Variants in CDK19 observed in about 807,000 individuals in gnomAD.
The protein encoded by CDK19 is cyclin dependent kinase 19.
A neutral mutation model predicts 68.3 loss-of-function variants in CDK19; 20 were observed. That is an observed-to-expected ratio of 0.29 (90% CI 0.21 to 0.43). The LOEUF is 0.43. CDK19 is among the 20% of genes least tolerant of loss of function. The pLI, the probability that CDK19 is intolerant of heterozygous loss-of-function variation, is 1.00. For missense variants in CDK19, 339 were observed against 623.5 expected (o/e 0.54, Z 4.86); for synonymous variants, 221 against 222.8 (o/e 0.99, Z 0.07).
chr6:110,664,658 T>C (rs1219613521), intron 4 of CDK19, among the ~76,000 whole-genome samples: 1 of 152,122 alleles, frequency 6.6e-6, no homozygotes, highest in Non-Finnish European at 1.5e-5. Flanking sequence ...GGCAGTAGTG[T>C]ACAAAAAGAG....
At chr6:110,690,388 G>A (rs1466084590) in intron 2 of CDK19, among the ~76,000 whole-genome samples, 1 of 152,136 alleles carries the variant, frequency 6.6e-6, no homozygotes, top group Non-Finnish European at 1.5e-5. Context: ...GACCTGGCAG[G>A]GGAGCTGAGA....
intron 1 of CDK19, among the ~76,000 whole-genome samples, chr6:110,775,002 C>G (rs146226283): frequency 1.3e-5 from 2 of 151,982 alleles, no homozygotes. Flanking sequence ...AATCCCAGCA[C>G]TTTGGGAGGC....
At chr6:110,762,524 C>T (rs559624797) in intron 1 of CDK19, among the ~76,000 whole-genome samples, 3 of 152,090 alleles carry the variant, frequency 2.0e-5, no homozygotes, top group Non-Finnish European at 2.9e-5. Context: ...AGTCACACAG[C>T]GAATAGGTTA....
At chr6:110,808,549 A>G (rs1451371628) in intron 1 of CDK19, among the ~76,000 whole-genome samples, 1 of 152,222 alleles carries the variant, frequency 6.6e-6, no homozygotes, top group African/African-American at 2.4e-5. Context: ...TGCCAGAAAA[A>G]GTTTGCTGAT....
At chr6:110,765,335 C>T (rs945214788) in intron 1 of CDK19, among the ~76,000 whole-genome samples, 4 of 152,104 alleles carry the variant, frequency 2.6e-5, no homozygotes, top group Non-Finnish European at 5.9e-5. Flanking sequence ...GCTATGATCA[C>T]ACCACTGCAC....
intron 2 of CDK19, among the ~76,000 whole-genome samples, chr6:110,729,293 A>C (rs961456270): frequency 2.0e-5 from 3 of 152,234 alleles, no homozygotes; most frequent in Non-Finnish European, 1.5e-5. Context: ...GATTATTTAA[A>C]ATGTCTACCT....
chr6:110,722,943 C>T (rs1776016841), intron 2 of CDK19, among the ~76,000 whole-genome samples: 1 of 151,950 alleles, frequency 6.6e-6, no homozygotes. Context: ...ACAGTGGCAA[C>T]TATTTAACTA....
At chr6:110,811,180 T>C (rs779209752) in intron 1 of CDK19, among the ~76,000 whole-genome samples, 4 of 152,228 alleles carry the variant, frequency 2.6e-5, no homozygotes, top group Non-Finnish European at 2.9e-5. Flanking sequence ...AAATCTTTAA[T>C]CTTCTGTAAG....
chr6:110,716,833 C>T (rs1191675278), intron 2 of CDK19, among the ~76,000 whole-genome samples: 2 of 152,118 alleles, frequency 1.3e-5, no homozygotes, highest in Admixed American at 6.6e-5. Context: ...GTGATTGACA[C>T]TTTTAATAAA....
chr6:110,707,748 A>G (rs113157987), intron 2 of CDK19, among the ~76,000 whole-genome samples: 7,215 of 152,110 alleles, frequency 0.047, 177 homozygotes, highest in Middle Eastern at 0.078. Context: ...AGGCAGGTGA[A>G]ATCACCTGAG....
chr6:110,639,670 C>T (rs959126972), intron 4 of CDK19, among the ~76,000 whole-genome samples: 6 of 152,092 alleles, frequency 3.9e-5, no homozygotes, highest in African/African-American at 1.4e-4. Flanking sequence ...TTTAAAGATC[C>T]CTTTCAATTT....
chr6:110,622,244 A>G, intron 10 of CDK19, 78 bp from the exon 11 acceptor site: 5 of 1,055,138 alleles, frequency 4.7e-6, no homozygotes, highest in Non-Finnish European at 4.3e-6. Context: ...TAAAATTCCA[A>G]TTTGTTTTTC....
chr6:110,696,870 G>A (rs1447612295), intron 2 of CDK19, among the ~76,000 whole-genome samples: 4 of 152,008 alleles, frequency 2.6e-5, no homozygotes, highest in African/African-American at 9.7e-5. Context: ...ACCAGCCTGG[G>A]CAACATGGCA....
rs975083127 is a variant in CDK19, at chr6:110,622,869, G to A, written c.977C>T (p.Ser326Leu). 3 of 1,613,522 alleles carry A rather than the reference G, an allele frequency of 1.9e-6. No homozygotes were observed. The highest frequency in any genetic ancestry group is 2.5e-6 in the Non-Finnish European group (3 of 1,179,570). Residue 326 changes from serine (S) to leucine (L), a missense_variant, in exon 10 of 13, where the codon TCG (serine) becomes TTG (leucine). Around this residue, in one of 4 missense-constraint regions of CDK19, gnomAD observed 155 missense variants for 222.7 expected, o/e 0.70. Coordinates refer to ENST00000368911, the MANE Select transcript of CDK19 (RefSeq NM_015076.5). ...LTMDPTKRITSEQALQDPYFQ... is the reference protein window; with the variant it reads ...LTMDPTKRITLEQALQDPYFQ... Reference sequence around the variant, plus strand: ...ATAGGGATCCTGCAGAGCTTGCTCCGAGGTAATTCTCTTGGTTGGATCCAT... The same window carrying A: ...ATAGGGATCCTGCAGAGCTTGCTCCAAGGTAATTCTCTTGGTTGGATCCAT...
chr6:110,753,371 T>G (rs1041373383), intron 1 of CDK19, among the ~76,000 whole-genome samples: 1 of 152,070 alleles, frequency 6.6e-6, no homozygotes, highest in Non-Finnish European at 1.5e-5. Flanking sequence ...AAAAAAAACT[T>G]TCAAAACAAC....
At chr6:110,803,150 G>A (rs939045423) in intron 1 of CDK19, among the ~76,000 whole-genome samples, 1 of 152,102 alleles carries the variant, frequency 6.6e-6, no homozygotes, top group Non-Finnish European at 1.5e-5. Context: ...TGCCATCTCG[G>A]CTCACTGCAA....
chr6:110,711,742 T>G (rs1004926677), intron 2 of CDK19, among the ~76,000 whole-genome samples: 5 of 152,226 alleles, frequency 3.3e-5, no homozygotes, highest in Admixed American at 3.3e-4. Context: ...CCAAGGCGGG[T>G]GGATCACCTG....
At chr6:110,659,389 C>A (rs1351902485) in intron 4 of CDK19, among the ~76,000 whole-genome samples, 1 of 152,204 alleles carries the variant, frequency 6.6e-6, no homozygotes, top group Non-Finnish European at 1.5e-5. Flanking sequence ...ACAGAGATAT[C>A]TTCACTCTCT....
At chr6:110,811,598 T>C (rs1283807981) in intron 1 of CDK19, among the ~76,000 whole-genome samples, 1 of 152,194 alleles carries the variant, frequency 6.6e-6, no homozygotes, top group Non-Finnish European at 1.5e-5. Flanking sequence ...TTTTTAAATG[T>C]TTCTAACTGG....
Sources: gnomAD v4.1 joint callset for allele counts (sites outside exome capture counted in the v4.1 genomes callset) on GRCh38, gnomAD v4.1.1 for gene constraint, gnomAD v4.1.1 regional missense constraint, MANE v1.5 for transcripts, NCBI Gene and HGNC (gene_info 2026-07-23, HGNC 2026-07-21) for gene names.